ZNF566: variants seen among roughly 807,000 people sequenced by gnomAD.
ZNF566 encodes the protein zinc finger protein 566.
ZNF566 carries 27 observed loss-of-function variants against 32.8 expected under a neutral mutation model. The ratio of observed to expected loss-of-function variants is 0.82; its 90% CI spans 0.61 to 1.14. The LOEUF (loss-of-function observed/expected upper bound fraction) is 1.14, where lower values mean the gene tolerates loss of function less well. Among genes scored for constraint, ZNF566 ranks in the 50% most tolerant of loss-of-function variants. The pLI is 0.00. For missense variants in ZNF566, 402 were observed against 490.4 expected, an observed-to-expected ratio of 0.82 and a Z score of 1.70; for synonymous variants, 154 against 159.5, an observed-to-expected ratio of 0.97 and a Z score of 0.26.
intron 1 of ZNF566, among the ~76,000 whole-genome samples, chr19:36,487,083 C>G (rs2034183574): frequency 7.9e-6 from 1 of 126,294 alleles, no homozygotes; most frequent in Admixed American, 8.4e-5. Flanking sequence ...GAGCGAGACT[C>G]CGTCTCAAAA....
intron 1 of ZNF566, among the ~76,000 whole-genome samples, chr19:36,481,942 G>A (rs1448942494): frequency 6.6e-6 from 1 of 152,094 alleles, no homozygotes; most frequent in Non-Finnish European, 1.5e-5. Flanking sequence ...ATCATTAAGA[G>A]AAAGAAACAA....
At position 36,449,401 on chromosome 19, in the gene ZNF566, G is replaced by A. The variant is rs2033082745; in HGVS notation, c.833C>T (p.Thr278Ile). 6.2e-7 allele frequency: 1 copy of A among 1,614,016 alleles called. No homozygotes were observed. The highest frequency in any genetic ancestry group is 1.7e-5 in the Admixed American group (1 of 59,986). The change falls in exon 5 of 5, where the codon ACA becomes ATA. Residue 278 changes from threonine to isoleucine, a missense_variant. By Grantham distance (89) the Thr-to-Ile change is moderately conservative. Around this residue, in one of 3 missense-constraint regions of ZNF566, gnomAD observed 135 missense variants for 210.0 expected, o/e 0.64. Coordinates refer to ENST00000452939, the MANE Select transcript of ZNF566 (RefSeq NM_001145344.1). The part of the protein sequence containing the change: ...SNFTRHQRIH[T>I]GEKPYECKEC... ...TTTGCATTCATAAGGCTTCTCACCTGTGTGAATTCTCTGATGTCGAGTGAA... is the reference window on the plus strand; with the variant it reads ...TTTGCATTCATAAGGCTTCTCACCTATGTGAATTCTCTGATGTCGAGTGAA...
In ZNF566 at chr19:36,448,084, G is replaced by A. The variant is rs1001752877; in HGVS notation, c.*893C>T. On this transcript the variant is annotated 3_prime_UTR_variant, in exon 5 of 5. Coordinates refer to ENST00000452939, the MANE Select transcript of ZNF566 (RefSeq NM_001145344.1). ...CATTTTATAATTTTTACTGAGACAC[G>A]CATGTATATATGAACAGAAAAATGA... The A allele has an allele frequency of 4.6e-5, 7 of 152,124 alleles. No individual in the cohort carries two copies. Among genetic ancestry groups the A allele is most frequent in the African/African-American group, 1.2e-4 (5 of 41,504 alleles). 9.4% of individuals were successfully genotyped at this position (152,124 alleles called of 1,614,324 possible). A position where few individuals can be genotyped will look rare whatever the true frequency, so the allele number is the denominator to read the frequency against.
intron 4 of ZNF566, among the ~76,000 whole-genome samples, chr19:36,464,383 C>T (rs1484286103): frequency 3.3e-5 from 5 of 151,742 alleles, no homozygotes; most frequent in Admixed American, 3.3e-4. Flanking sequence ...TTTTGAATTC[C>T]TGGGCTCAAG....
At chr19:36,462,081 C>G (rs991640280) in intron 4 of ZNF566, among the ~76,000 whole-genome samples, 5 of 151,488 alleles carry the variant, frequency 3.3e-5, no homozygotes, top group Non-Finnish European at 5.9e-5. Context: ...CTCTGCCTCC[C>G]GGGTTCAAGC....
Position 36,452,625 on chromosome 19 carries a change from AAAC to A in ZNF566, c.233-2627_233-2625del, listed in dbSNP as rs1370075116. Among the ~76,000 whole-genome samples the A allele has an allele frequency of 4.0e-5, 6 of 151,432 alleles. No homozygotes were observed. In the East Asian group the frequency reaches 1.2e-3, roughly 29 times the overall value. ...GCATTTAATCTGATCACTGAATCCT[AAAC>A]AAACAAAAGACGTGAGAGGAAATCA... On this transcript the variant is annotated intron_variant, in intron 4 of 4. Transcript: ENST00000452939.
At chr19:36,484,294 A>G (rs1293607132) in intron 1 of ZNF566, among the ~76,000 whole-genome samples, 1 of 152,234 alleles carries the variant, frequency 6.6e-6, no homozygotes, top group Non-Finnish European at 1.5e-5. Context: ...CAGGCACACA[A>G]GTTAGGTTTC....
At chr19:36,458,071 C>T (rs1353214949) in intron 4 of ZNF566, among the ~76,000 whole-genome samples, 1 of 152,142 alleles carries the variant, frequency 6.6e-6, no homozygotes, top group Admixed American at 6.6e-5. Flanking sequence ...CAAAACTACC[C>T]TATAACTCAG....
At chr19:36,481,182 C>T (rs2034019536) in intron 1 of ZNF566, among the ~76,000 whole-genome samples, 2 of 151,840 alleles carry the variant, frequency 1.3e-5, no homozygotes, top group South Asian at 4.1e-4. Flanking sequence ...AAGAAAACAA[C>T]AATGAGGGCT....
rs556251217 is a variant in ZNF566 at position 36,485,533 on chromosome 19, G to A, written c.-60+3953C>T. Among the ~76,000 whole-genome samples the A allele has an allele frequency of 4.1e-4, 62 of 151,308 alleles. 1 individual carries two copies. Among genetic ancestry groups the A allele is most frequent in the African/African-American group, 1.3e-3 (52 of 41,224 alleles). ...TCCCACTACTTTGGGAGGTCAAGTC[G>A]GCCAGATCACCTGAGGTCAGGAGTT... On this transcript the variant is annotated intron_variant, in intron 1 of 4. Coordinates refer to ENST00000452939, the MANE Select transcript of ZNF566 (RefSeq NM_001145344.1).
Position 36,449,967 on chromosome 19 carries a change from A to G in ZNF566, c.267T>C (p.Phe89=). ...LESRCETKKL[F]LKKEIYEIES... is the part of the protein sequence containing the mutation. ...CTATTTCATAAATTTCTTTCTTCAGAAATAATTTCTTGGTCTCACATCTTG... is the reference window on the plus strand; with the variant it reads ...CTATTTCATAAATTTCTTTCTTCAGGAATAATTTCTTGGTCTCACATCTTG... Residue 89 remains phenylalanine, a synonymous_variant, in exon 5 of 5, where the codon TTT becomes TTC. Transcript: ENST00000452939. The G allele has an allele frequency of 6.2e-7, 1 of 1,610,288 alleles. No homozygotes were observed. The highest frequency in any genetic ancestry group is 8.5e-7 in the Non-Finnish European group (1 of 1,178,952).
intron 4 of ZNF566, among the ~76,000 whole-genome samples, chr19:36,450,879 G>A (rs551964267): frequency 1.4e-4 from 22 of 152,330 alleles, no homozygotes; most frequent in Admixed American, 8.5e-4. Flanking sequence ...GAGAATGTGT[G>A]AACTGCAAAC....
intron 4 of ZNF566, among the ~76,000 whole-genome samples, chr19:36,471,156 G>GA: frequency 6.7e-6 from 1 of 150,304 alleles, no homozygotes; most frequent in African/African-American, 2.4e-5. Context: ...GGAGGTTGCA[G>GA]TGAGCCGAGA....
chr19:36,464,288 A>G (rs2033557403), intron 4 of ZNF566, among the ~76,000 whole-genome samples: 1 of 152,164 alleles, frequency 6.6e-6, no homozygotes, highest in Non-Finnish European at 1.5e-5. Context: ...TTGTTGATCA[A>G]TGAAGAATAG....
intron 4 of ZNF566, among the ~76,000 whole-genome samples, chr19:36,470,065 C>G (rs1382810486): frequency 5.9e-5 from 9 of 152,202 alleles, no homozygotes; most frequent in Admixed American, 2.6e-4. Flanking sequence ...ACCTACATTT[C>G]CTTGCCATAC....
At chr19:36,483,508 G>A (rs1216057660) in intron 1 of ZNF566, among the ~76,000 whole-genome samples, 1 of 152,026 alleles carries the variant, frequency 6.6e-6, no homozygotes, top group African/African-American at 2.4e-5. Flanking sequence ...GCGGGGTTGG[G>A]GGGAAGCTTT....
chr19:36,484,841 G>A (rs1016980975), intron 1 of ZNF566, among the ~76,000 whole-genome samples: 7 of 151,868 alleles, frequency 4.6e-5, no homozygotes, highest in African/African-American at 7.3e-5. Flanking sequence ...CGCCCACCTC[G>A]GCCTCCCAAA....
intron 4 of ZNF566, among the ~76,000 whole-genome samples, chr19:36,458,658 G>A (rs934288775): frequency 3.3e-5 from 5 of 152,146 alleles, no homozygotes; most frequent in African/African-American, 1.2e-4. Flanking sequence ...GTATACCATA[G>A]TAACTATAGT....
intron 2 of ZNF566, among the ~76,000 whole-genome samples, chr19:36,475,632 C>A (rs2033866001): frequency 6.6e-6 from 1 of 152,094 alleles, no homozygotes; most frequent in Non-Finnish European, 1.5e-5. Flanking sequence ...TCTGCCCTAT[C>A]AGGATTTTTG....
Sources: allele counts gnomAD v4.1 joint callset (sites outside exome capture counted in the v4.1 genomes callset), GRCh38; gene constraint gnomAD v4.1.1; regional missense constraint gnomAD v4.1.1; transcripts MANE v1.5; gene names NCBI Gene and HGNC (gene_info 2026-07-23, HGNC 2026-07-21).